WDFY4: variants seen among roughly 807,000 people sequenced by gnomAD.
The protein encoded by WDFY4 is WDFY family member 4, also known as WD repeat- and FYVE domain-containing protein 4.
In WDFY4, 169 loss-of-function variants were observed where a neutral mutation model predicts 351.9. The ratio of observed to expected loss-of-function variants is 0.48; its 90% CI spans 0.42 to 0.55. WDFY4 has a LOEUF of 0.55. Among genes scored for constraint, WDFY4 ranks in the 20% least tolerant of loss-of-function variants. The probability of loss-of-function intolerance (pLI) is 0.00; values close to 1 mark genes in which losing one functional copy is unlikely to be tolerated. For missense variants in WDFY4, 3,803 were observed against 3,935.6 expected (o/e 0.97, Z 0.90); for synonymous variants, 1,622 against 1,574.6 (o/e 1.03, Z -0.71).
Position 48,963,847 on chromosome 10 carries a change from G to A in WDFY4, c.8229G>A (p.Leu2743=). ...TCTTTGGGTTTTTGTTCCAGGCCCTGGAAAGTGACTTTGTCAGTGCCAACC... is the reference window on the plus strand; with the variant it reads ...TCTTTGGGTTTTTGTTCCAGGCCCTAGAAAGTGACTTTGTCAGTGCCAACC... The part of the protein sequence containing the change: ...RKFISLHRKA[L]ESDFVSANLH... Residue 2743 remains leucine (L), a synonymous_variant, in exon 54 of 62, where the codon CTG becomes CTA. Coordinates refer to ENST00000325239, the MANE Select transcript of WDFY4 (RefSeq NM_001394531.1). 7.7e-6 allele frequency: 12 copies of A among 1,551,562 alleles called. No homozygotes were observed. The highest frequency in any genetic ancestry group is 1.0e-5 in the Non-Finnish European group (12 of 1,147,000).
intron 55 of WDFY4, chr10:48,968,235 G>A (rs1191073219): frequency 1.3e-5 from 2 of 152,334 alleles, no homozygotes; most frequent in African/African-American, 4.8e-5. Flanking sequence ...CAGGCAACAA[G>A]CCAGCGCTGA....
chr10:48,886,972 G>T (rs1348763802), intron 43 of WDFY4, among the ~76,000 whole-genome samples: 27 of 152,216 alleles, frequency 1.8e-4, no homozygotes, highest in Non-Finnish European at 3.5e-4. Flanking sequence ...CCCTCCTAGG[G>T]CTAATTTAAA....
Position 48,790,934 on chromosome 10 carries a change from A to T in WDFY4, c.4257+17A>T, listed in dbSNP as rs2066657106. ...GGGTACCAGGTAATCCCATCCTCCC[A>T]CCTGGAACTGAGACTCCTGAAAGGG... On this transcript the variant is annotated intron_variant, in intron 23 of 61. Coordinates refer to ENST00000325239, the MANE Select transcript of WDFY4 (RefSeq NM_001394531.1). The T allele has an allele frequency of 6.4e-7, 1 of 1,550,980 alleles. No individual in the cohort carries two copies. The highest frequency in any genetic ancestry group is 2.0e-5 in the Admixed American group (1 of 50,982).
intron 40 of WDFY4, among the ~76,000 whole-genome samples, chr10:48,872,442 C>T (rs2069819808): frequency 6.6e-6 from 1 of 152,108 alleles, no homozygotes; most frequent in East Asian, 1.9e-4. Context: ...CTTGTGGTAC[C>T]ACTGGGTAGA....
At position 48,736,245 on chromosome 10, in the gene WDFY4, C is replaced by G. The variant is rs569237816; in HGVS notation, c.1878+175C>G. On this transcript the variant is annotated intron_variant, in intron 11 of 61. Coordinates refer to ENST00000325239, the MANE Select transcript of WDFY4 (RefSeq NM_001394531.1). ...AAATAAATCCCATATCCTCAGTAGC[C>G]TGGTACATTTGAAATTTCTTTGCAA... is the stretch of plus-strand genomic sequence containing the variant. 18 of 701,698 alleles carry G rather than the reference C, an allele frequency of 2.6e-5. No homozygotes were observed. In the South Asian group the frequency reaches 2.7e-4, roughly 11 times the overall value. 43.5% of individuals were successfully genotyped at this position (701,698 alleles called of 1,614,324 possible). A position where few individuals can be genotyped will look rare whatever the true frequency, so the allele number is the denominator to read the frequency against.
At chr10:48,884,052 G>A (rs114200236) in intron 43 of WDFY4, 1 of 152,180 alleles carries the variant, frequency 6.6e-6, no homozygotes, top group Non-Finnish European at 1.5e-5. Flanking sequence ...TCCAGAACCA[G>A]TCCAGAGTCA....
intron 38 of WDFY4, among the ~76,000 whole-genome samples, chr10:48,832,019 A>T (rs557244999): frequency 6.6e-6 from 1 of 152,374 alleles, no homozygotes; most frequent in South Asian, 2.1e-4. Context: ...CATTCAAACG[A>T]TAGCAATACC....
chr10:48,932,823 G>C (rs772962438), intron 47 of WDFY4, among the ~76,000 whole-genome samples: 4 of 152,132 alleles, frequency 2.6e-5, no homozygotes, highest in Non-Finnish European at 5.9e-5. Context: ...TCCTTTCTGA[G>C]AAAGCGACAT....
chr10:48,928,529 G>A lies in WDFY4; in HGVS notation c.7587-13277G>A, dbSNP rs1387864961. On this transcript the variant is annotated intron_variant, in intron 47 of 61. Coordinates refer to ENST00000325239, the MANE Select transcript of WDFY4 (RefSeq NM_001394531.1). Reference sequence around the variant, plus strand: ...CTGCAGCCTAGCGTCCTTATGGACCGTGACCCCTGCCTCCCTGAGTGCAGG... The same window carrying A: ...CTGCAGCCTAGCGTCCTTATGGACCATGACCCCTGCCTCCCTGAGTGCAGG... Among the ~76,000 whole-genome samples the A allele has an allele frequency of 3.9e-5, 6 of 152,150 alleles. No individual in the cohort carries two copies. In the East Asian group the frequency reaches 5.8e-4, roughly 15 times the overall value.
chr10:48,856,112 A>G (rs775550735), intron 39 of WDFY4, among the ~76,000 whole-genome samples: 4 of 152,140 alleles, frequency 2.6e-5, no homozygotes, highest in Non-Finnish European at 4.4e-5. Context: ...TATTTTTAAT[A>G]TCGGTAGGAC....
At chr10:48,757,785 A>C (rs1365798674) in intron 12 of WDFY4, among the ~76,000 whole-genome samples, 1 of 151,242 alleles carries the variant, frequency 6.6e-6, no homozygotes, top group African/African-American at 2.4e-5. Context: ...TAGTGCTTTC[A>C]ATAGGGACTG....
At chr10:48,882,520 G>C (rs1255488716) in intron 43 of WDFY4, among the ~76,000 whole-genome samples, 1 of 152,176 alleles carries the variant, frequency 6.6e-6, no homozygotes, top group Non-Finnish European at 1.5e-5. Flanking sequence ...GAATTCCTGA[G>C]ATGGGGTAAT....
chr10:48,746,709 T>C (rs2065025844), intron 12 of WDFY4, among the ~76,000 whole-genome samples: 1 of 152,218 alleles, frequency 6.6e-6, no homozygotes, highest in South Asian at 2.1e-4. Flanking sequence ...AAACTCTCTA[T>C]GATTAATTTT....
intron 5 of WDFY4, among the ~76,000 whole-genome samples, chr10:48,725,165 C>G (rs1421043138): frequency 1.3e-5 from 2 of 151,584 alleles, no homozygotes; most frequent in Admixed American, 1.3e-4. Flanking sequence ...CAGCTGTGGT[C>G]CATGAAGCCC....
At chr10:48,816,920 T>C (rs1055580788) in intron 31 of WDFY4, among the ~76,000 whole-genome samples, 1 of 152,160 alleles carries the variant, frequency 6.6e-6, no homozygotes, top group African/African-American at 2.4e-5. Context: ...GAAAGCATCA[T>C]CTACCCAATA....
chr10:48,974,527 A>AAAAAAACAAC, intron 57 of WDFY4, among the ~76,000 whole-genome samples: 1 of 23,148 alleles, frequency 4.3e-5, no homozygotes, highest in Admixed American at 6.0e-4. Context: ...AAAAAAAAAA[A>AAAAAAACAAC]AACAACTCAT....
At position 48,685,922 on chromosome 10, in the gene WDFY4, G is replaced by A. The variant is rs186108750; in HGVS notation, c.-18+921G>A. The stretch of plus-strand genomic sequence containing the variant: ...ATAGCAGGTAGGGTGGGGGTCTTGG[G>A]AGGGTGGGGATGGCTCTAGTCTTCT... On this transcript the variant is annotated intron_variant, in intron 1 of 61. Transcript: ENST00000325239. Among the ~76,000 whole-genome samples the A allele has an allele frequency of 3.6e-3, 542 of 151,788 alleles. 1 individual carries two copies. The highest frequency in any genetic ancestry group is 6.1e-3 in the Non-Finnish European group (411 of 67,848).
intron 31 of WDFY4, among the ~76,000 whole-genome samples, chr10:48,815,852 A>T (rs1369556526): frequency 6.6e-6 from 1 of 151,436 alleles, no homozygotes; most frequent in Non-Finnish European, 1.5e-5. Flanking sequence ...TTTCTTTATG[A>T]TTTCATGCAT....
At position 48,811,519 on chromosome 10, in the gene WDFY4, C is replaced by T. The variant is rs2067446067; in HGVS notation, c.5045-20C>T. 1 of 1,549,840 alleles carries T rather than the reference C, an allele frequency of 6.5e-7. No homozygotes were observed. Among genetic ancestry groups the T allele is most frequent in the Admixed American group, 2.0e-5 (1 of 50,854 alleles). On this transcript the variant is annotated intron_variant, in intron 29 of 61. Transcript: ENST00000325239. Reference sequence around the variant, plus strand: ...AGCTGTTCTCAGCTGACTTTTGTGCCCCCTTTGCCTGATCAATAGACAACC... The same window carrying T: ...AGCTGTTCTCAGCTGACTTTTGTGCTCCCTTTGCCTGATCAATAGACAACC...
Sources: gnomAD v4.1 joint callset for allele counts (sites outside exome capture counted in the v4.1 genomes callset) on GRCh38, gnomAD v4.1.1 for gene constraint, MANE v1.5 for transcripts, NCBI Gene and HGNC (gene_info 2026-07-23, HGNC 2026-07-21) for gene names.